The following CAMSAP3 variants were observed in gnomAD, a reference collection of about 807,000 sequenced individuals.
CAMSAP3 encodes the protein calmodulin regulated spectrin associated protein family member 3.
CAMSAP3 carries 34 observed loss-of-function variants against 112.5 expected under a neutral mutation model. That is an observed-to-expected ratio of 0.30 (90% CI 0.23 to 0.40). The LOEUF (loss-of-function observed/expected upper bound fraction) is 0.40. Among genes scored for constraint, CAMSAP3 ranks in the 10% least tolerant of loss-of-function variants. The pLI is 1.00. For synonymous variants in CAMSAP3, 868 were observed against 799.8 expected (o/e 1.09, Z -1.44); for missense variants, 1,602 against 1,770.3 (o/e 0.90, Z 1.71).
chr19:7,597,613 C>T (rs1345635734), intron 1 of CAMSAP3, among the ~76,000 whole-genome samples: 2 of 152,222 alleles, frequency 1.3e-5, no homozygotes, highest in Non-Finnish European at 2.9e-5. Flanking sequence ...CCCGTTACCT[C>T]TTTGCAAGGT....
At chr19:7,596,844 G>A (rs2024453518) in intron 1 of CAMSAP3, among the ~76,000 whole-genome samples, 1 of 152,150 alleles carries the variant, frequency 6.6e-6, no homozygotes, top group African/African-American at 2.4e-5. Context: ...GCCTGGGGTG[G>A]GCCCCCCGCT....
At chr19:7,606,885 T>C in intron 4 of CAMSAP3, 1 of 1,535,592 alleles carries the variant, frequency 6.5e-7, no homozygotes, top group Non-Finnish European at 9.0e-7. Flanking sequence ...TGTTTCTGCC[T>C]GCCTGTCTGC....
chr19:7,611,044 G>A lies in CAMSAP3; in HGVS notation c.1050-51G>A. 1 of 1,605,032 alleles carries A rather than the reference G, an allele frequency of 6.2e-7. No homozygotes were observed. The highest frequency in any genetic ancestry group is 1.7e-5 in the Admixed American group (1 of 59,876). ...ATGCTGTTGTCTCCCCCCGGGGAGA[G>A]GCGGAGGAGGAGGTGGGGGTCCTGA... On this transcript the variant is annotated intron_variant, in intron 8 of 16. Coordinates refer to ENST00000160298, the MANE Select transcript of CAMSAP3 (RefSeq NM_020902.2). The surrounding 1 kb of genome is among the most constrained non-coding windows in gnomAD (Gnocchi z 6.9).
chr19:7,614,428 C>A (rs1476134177), intron 11 of CAMSAP3, among the ~76,000 whole-genome samples: 1 of 150,410 alleles, frequency 6.6e-6, no homozygotes, highest in African/African-American at 2.4e-5. Flanking sequence ...TTCACTGCAA[C>A]CTCCACCTCC....
chr19:7,612,147 G>C lies in CAMSAP3; in HGVS notation c.1654G>C (p.Ala552Pro). Residue 552 changes from alanine (A) to proline (P), a missense_variant, in exon 11 of 17, where the codon GCT becomes CCT. By Grantham distance (27) the Ala-to-Pro change is conservative. Transcript: ENST00000160298. ...ATCCGAGGGGTCCCCGAAGGCGGTG[G>C]CTTCGTCCCCAGCAGCCACCAACTC... ...APSEGSPKAV[A>P]SSPAATNSEV... 2 of 1,612,436 alleles carry C rather than the reference G, an allele frequency of 1.2e-6. No homozygotes were observed. Among genetic ancestry groups the C allele is most frequent in the Non-Finnish European group, 8.5e-7 (1 of 1,179,804 alleles).
rs1389745756 is a variant in CAMSAP3 at position 7,611,741 on chromosome 19, C to T, written c.1248C>T (p.Asp416=). 3 of 1,570,652 alleles carry T rather than the reference C, an allele frequency of 1.9e-6. No homozygotes were observed. Among genetic ancestry groups the T allele is most frequent in the African/African-American group, 1.3e-5 (1 of 74,246 alleles). The part of the protein sequence containing the change: ...SFSTPFGLDS[D]VDVVMGDPVL... ...GCACCCCCTTTGGCCTGGACAGCGA[C>T]GTGGATGTCGTCATGGGAGACCCTG... The change falls in exon 11 of 17, where the codon GAC becomes GAT. Residue 416 remains aspartate (D), a synonymous_variant. Coordinates refer to ENST00000160298, the MANE Select transcript of CAMSAP3 (RefSeq NM_020902.2). The surrounding 1 kb of genome is among the most constrained non-coding windows in gnomAD (Gnocchi z 6.9).
chr19:7,612,526 G>A lies in CAMSAP3; in HGVS notation c.2033G>A (p.Arg678Gln), dbSNP rs1008547920. The A allele has an allele frequency of 6.3e-5, 97 of 1,536,882 alleles. No individual in the cohort carries two copies. Among genetic ancestry groups the A allele is most frequent in the Non-Finnish European group, 7.8e-5 (89 of 1,144,418 alleles). Residue 678 changes from arginine (R) to glutamine (Q), a missense_variant, in exon 11 of 17, where the codon CGG (arginine) becomes CAG (glutamine). By Grantham distance (43) the Arg-to-Gln change is conservative. Around this residue, in one of 6 missense-constraint regions of CAMSAP3, gnomAD observed 1,100 missense variants for 1,135.7 expected, o/e 0.97. Transcript: ENST00000160298. The stretch of plus-strand genomic sequence containing the variant: ...GAGGGCCAGGGTGAGCCAACCTCAC[G>A]GCCCAAGGCAGTGACCTTCTCGCCA... ...AGEGQGEPTS[R>Q]PKAVTFSPDL... is the part of the protein sequence containing the mutation.
In CAMSAP3 at chr19:7,612,506, C is replaced by T. The variant is rs2030553472; in HGVS notation, c.2013C>T (p.Gly671=). ...GTGGGGAGCGGCCCGCAGGCGAGGG[C>T]CAGGGTGAGCCAACCTCACGGCCCA... is the stretch of plus-strand genomic sequence containing the variant. ...VPGGERPAGE[G]QGEPTSRPKA... is the part of the protein sequence containing the mutation. Residue 671 remains glycine, a synonymous_variant, in exon 11 of 17, where the codon GGC becomes GGT. Coordinates refer to ENST00000160298, the MANE Select transcript of CAMSAP3 (RefSeq NM_020902.2). 1.3e-6 allele frequency: 2 copies of T among 1,541,870 alleles called. No homozygotes were observed. Among genetic ancestry groups the T allele is most frequent in the Admixed American group, 2.0e-5 (1 of 51,202 alleles).
Position 7,616,550 on chromosome 19 carries a change from A to G in CAMSAP3, c.3140A>G (p.Gln1047Arg), listed in dbSNP as rs1311299720. ...LGSRLSKIYS[Q>R]STLSLSTVAN... The stretch of plus-strand genomic sequence containing the variant: ...TCTCGGCTGAGCAAAATCTATTCCC[A>G]GTCCACCCTGTCACTGTCCACTGTG... Residue 1047 changes from glutamine to arginine, a missense_variant, in exon 14 of 17, where the codon CAG (glutamine) becomes CGG (arginine). Physicochemically the swap from Gln to Arg is conservative, Grantham distance 43. This residue lies in a region of CAMSAP3 where 1,100 missense variants were observed against 1,135.7 expected (regional missense o/e 0.97). Transcript: ENST00000160298. 9 of 1,612,882 alleles carry G rather than the reference A, an allele frequency of 5.6e-6. No individual in the cohort carries two copies. The highest frequency in any genetic ancestry group is 5.9e-6 in the Non-Finnish European group (7 of 1,179,784).
Position 7,611,949 on chromosome 19 carries a change from C to T in CAMSAP3, c.1456C>T (p.His486Tyr), listed in dbSNP as rs760084063. Reference sequence around the variant, plus strand: ...GGCGGCCGACGGCAGCTTCTACCTCCACTCCCCTGAGGGGCCCTCCAAGCC... The same window carrying T: ...GGCGGCCGACGGCAGCTTCTACCTCTACTCCCCTGAGGGGCCCTCCAAGCC... ...DGAADGSFYL[H>Y]SPEGPSKPSL... The change falls in exon 11 of 17, where the codon CAC (histidine) becomes TAC (tyrosine). Residue 486 changes from histidine to tyrosine, a missense_variant. Around this residue, in one of 6 missense-constraint regions of CAMSAP3, gnomAD observed 1,100 missense variants for 1,135.7 expected, o/e 0.97. Transcript: ENST00000160298. The surrounding 1 kb of genome is among the most constrained non-coding windows in gnomAD (Gnocchi z 6.9). The T allele has an allele frequency of 1.9e-6, 3 of 1,604,082 alleles. No individual in the cohort carries two copies. Among genetic ancestry groups the T allele is most frequent in the Non-Finnish European group, 2.6e-6 (3 of 1,174,658 alleles).
At chr19:7,614,338 T>TG (rs367865116) in intron 11 of CAMSAP3, among the ~76,000 whole-genome samples, 3,931 of 123,648 alleles carry the variant, frequency 0.032, 191 homozygotes, top group African/African-American at 0.11. Flanking sequence ...TTTTTTTTGT[T>TG]TTGTTTTCTT....
intron 14 of CAMSAP3, among the ~76,000 whole-genome samples, chr19:7,616,949 T>TGTTG (rs926273014): frequency 2.8e-5 from 4 of 142,562 alleles, no homozygotes; most frequent in African/African-American, 2.6e-5. Context: ...TTTTTTTTTT[T>TGTTG]TTTTTTTTTG....
chr19:7,607,797 T>A lies in CAMSAP3; in HGVS notation c.622-329T>A. On this transcript the variant is annotated intron_variant, in intron 4 of 16. Transcript: ENST00000160298. The surrounding 1 kb of genome is among the most constrained non-coding windows in gnomAD (Gnocchi z 4.9). ...GCAGGTCAGCACCCCTCCCCCTTGC[T>A]GATGGCTGCTCCTCTCCCCCCAGCA... 1 of 1,128,048 alleles carries A rather than the reference T, an allele frequency of 8.9e-7. No homozygotes were observed. Among genetic ancestry groups the A allele is most frequent in the Non-Finnish European group, 1.2e-6 (1 of 802,954 alleles). The allele number at this position is 1,128,048 out of a possible 1,614,324, so 69.9% of individuals were successfully genotyped here. A position where few individuals can be genotyped will look rare whatever the true frequency, so the allele number is the denominator to read the frequency against.
At position 7,611,032 on chromosome 19, in the gene CAMSAP3, C is replaced by G; in HGVS notation, c.1050-63C>G. On this transcript the variant is annotated intron_variant, in intron 8 of 16. Transcript: ENST00000160298. This position sits in a 1 kb window ranked among gnomAD's most constrained non-coding sequence, Gnocchi z 6.9. ...CGCAGCTGGGTGATGCTGTTGTCTC[C>G]CCCCGGGGAGAGGCGGAGGAGGAGG... 1 of 1,600,906 alleles carries G rather than the reference C, an allele frequency of 6.2e-7. No individual in the cohort carries two copies. Among genetic ancestry groups the G allele is most frequent in the Non-Finnish European group, 8.5e-7 (1 of 1,169,674 alleles).
At chr19:7,606,759 C>T in intron 4 of CAMSAP3, 188 bp downstream of exon 4, 1 of 1,613,868 alleles carries the variant, frequency 6.2e-7, no homozygotes. Flanking sequence ...GCCCTCCTCT[C>T]TGCCTCTCTG....
At position 7,613,043 on chromosome 19, in the gene CAMSAP3, C is replaced by G; in HGVS notation, c.2550C>G (p.Ser850Arg). ...GCCTCATCGAGATCCCGCTGGGCAG[C>G]CTGGCAGATCCCGCCGCCGAGGACG... is the stretch of plus-strand genomic sequence containing the variant. ...RPGLIEIPLG[S>R]LADPAAEDEG... is the part of the protein sequence containing the mutation. The change falls in exon 11 of 17, where the codon AGC (serine) becomes AGG (arginine). Residue 850 changes from serine to arginine, a missense_variant. By Grantham distance (110) the Ser-to-Arg change is moderately radical (BLOSUM62 -1). This residue lies in a region of CAMSAP3 where 1,100 missense variants were observed against 1,135.7 expected (regional missense o/e 0.97). Transcript: ENST00000160298. 1 of 1,551,728 alleles carries G rather than the reference C, an allele frequency of 6.4e-7. No individual in the cohort carries two copies. The highest frequency in any genetic ancestry group is 1.2e-5 in the South Asian group (1 of 84,570).
intron 11 of CAMSAP3, among the ~76,000 whole-genome samples, chr19:7,614,282 A>AAAAAAAAAAAAG (rs1568447672): frequency 6.8e-6 from 1 of 147,132 alleles, no homozygotes; most frequent in African/African-American, 2.5e-5. Flanking sequence ...AAAAAAAAAA[A>AAAAAAAAAAAAG]AGTGAGCACA....
chr19:7,606,222 G>C (rs1368141904), intron 2 of CAMSAP3, 49 bp from the exon 3 acceptor site: 11 of 1,605,244 alleles, frequency 6.9e-6, no homozygotes, highest in Non-Finnish European at 9.3e-6. Context: ...GGGCCGAGGT[G>C]CGCCTCCTGC....
chr19:7,612,979 C>A lies in CAMSAP3; in HGVS notation c.2486C>A (p.Ala829Glu), dbSNP rs765553330. Reference protein sequence around the residue: ...PVQTRSSILLAEETPPEEPAA... With the variant: ...PVQTRSSILLEEETPPEEPAA... The stretch of plus-strand genomic sequence containing the variant: ...CAGACGCGCTCTTCCATCCTCCTGG[C>A]GGAGGAGACGCCCCCCGAGGAGCCA... The change falls in exon 11 of 17, where the codon GCG (alanine) becomes GAG (glutamate). Residue 829 changes from alanine to glutamate, a missense_variant. By Grantham distance (107) the Ala-to-Glu change is moderately radical (BLOSUM62 -1). Around this residue, in one of 6 missense-constraint regions of CAMSAP3, gnomAD observed 1,100 missense variants for 1,135.7 expected, o/e 0.97. Coordinates refer to ENST00000160298, the MANE Select transcript of CAMSAP3 (RefSeq NM_020902.2). The A allele has an allele frequency of 3.1e-6, 5 of 1,591,898 alleles. 1 individual carries two copies. Among genetic ancestry groups the A allele is most frequent in the East Asian group, 2.3e-5 (1 of 42,768 alleles).
Sources: gnomAD v4.1 joint callset for allele counts (sites outside exome capture counted in the v4.1 genomes callset) on GRCh38, gnomAD v4.1.1 for gene constraint, gnomAD v4.1.1 regional missense constraint, Gnocchi (gnomAD v3.1) non-coding constraint, MANE v1.5 for transcripts, NCBI Gene and HGNC (gene_info 2026-07-23, HGNC 2026-07-21) for gene names.